CPSF2: variants seen among roughly 807,000 people sequenced by gnomAD.
CPSF2 encodes the protein cleavage and polyadenylation specific factor 2.
In CPSF2, 51 loss-of-function variants were observed where a neutral mutation model predicts 84.2. The observed-to-expected ratio is 0.61, with a 90% CI of 0.48 to 0.77. The LOEUF is 0.77. Ranked by LOEUF, CPSF2 falls within the 30% of genes least tolerant of loss-of-function variation. CPSF2 has a pLI of 0.00. For synonymous variants in CPSF2, 286 were observed against 311.9 expected, an observed-to-expected ratio of 0.92 and a Z score of 0.87; for missense variants, 641 against 929.4, an observed-to-expected ratio of 0.69 and a Z score of 4.03.
intron 8 of CPSF2, 88 bp downstream of exon 8, chr14:92,142,439 T>G: frequency 9.8e-7 from 1 of 1,025,232 alleles, no homozygotes; most frequent in East Asian, 2.4e-5. Context: ...TTGGATTTTA[T>G]TTTTCTCTTG....
At chr14:92,150,704 A>G (rs1283291114) in intron 9 of CPSF2, among the ~76,000 whole-genome samples, 1 of 152,182 alleles carries the variant, frequency 6.6e-6, no homozygotes, top group Non-Finnish European at 1.5e-5. Context: ...AATTACAGGC[A>G]TGAATCACTG....
rs998257533 is a variant in CPSF2, at chr14:92,161,179, G to T, written c.2189G>T (p.Arg730Leu). The T allele has an allele frequency of 6.2e-7, 1 of 1,613,782 alleles. No homozygotes were observed. The highest frequency in any genetic ancestry group is 8.5e-7 in the Non-Finnish European group (1 of 1,179,908). ...RLSDFKQVLL[R>L]EGIQAEFVGG... is the part of the protein sequence containing the mutation. ...TCAGACTTCAAGCAAGTTCTCTTAC[G>T]GGAGGGGATTCAAGCTGAATTTGTA... Residue 730 changes from arginine to leucine, a missense_variant, in exon 15 of 16, where the codon CGG becomes CTG. This residue lies in a region of CPSF2 where 430 missense variants were observed against 553.6 expected (regional missense o/e 0.78). Transcript: ENST00000298875.
Position 92,134,282 on chromosome 14 carries a change from T to C in CPSF2, c.342T>C (p.Phe114=), listed in dbSNP as rs1459586437. ...ACAATACAGAAGATTTTACACTCTTTACATTAGATGATGTGGATGCAGCCT... is the reference window on the plus strand; with the variant it reads ...ACAATACAGAAGATTTTACACTCTTCACATTAGATGATGTGGATGCAGCCT... ...SRHNTEDFTL[F]TLDDVDAAFD... Residue 114 remains phenylalanine (F), a synonymous_variant, in exon 5 of 16, where the codon TTT becomes TTC. Transcript: ENST00000298875. 6.2e-7 allele frequency: 1 copy of C among 1,613,712 alleles called. No individual in the cohort carries two copies. The highest frequency in any genetic ancestry group is 1.3e-5 in the African/African-American group (1 of 74,938).
intron 12 of CPSF2, among the ~76,000 whole-genome samples, chr14:92,156,978 C>T (rs2069298857): frequency 6.6e-6 from 1 of 152,098 alleles, no homozygotes; most frequent in South Asian, 2.1e-4. Flanking sequence ...TTCTGAGTAA[C>T]TGCTTGTTTC....
intron 9 of CPSF2, 120 bp downstream of exon 9, chr14:92,143,414 C>T (rs948973129): frequency 7.9e-6 from 6 of 755,990 alleles, no homozygotes; most frequent in Admixed American, 2.9e-5. Flanking sequence ...ATCAGAATTA[C>T]TCTTGAGAGC....
At chr14:92,153,451 G>A (rs1217295705) in intron 9 of CPSF2, among the ~76,000 whole-genome samples, 1 of 152,032 alleles carries the variant, frequency 6.6e-6, no homozygotes, top group African/African-American at 2.4e-5. Flanking sequence ...ATGTCAAAGG[G>A]AGTTTTTCTT....
chr14:92,132,765 T>TC (rs2068948870), intron 3 of CPSF2, among the ~76,000 whole-genome samples: 1 of 142,820 alleles, frequency 7.0e-6, no homozygotes, highest in South Asian at 2.2e-4. Context: ...AGAGTGAAAC[T>TC]CCGTCTCAAA....
intron 6 of CPSF2, among the ~76,000 whole-genome samples, chr14:92,137,443 C>T (rs2069014996): frequency 6.6e-6 from 1 of 152,092 alleles, no homozygotes; most frequent in African/African-American, 2.4e-5. Context: ...TACTGGGCTC[C>T]AGTGATCTGC....
rs1459653702 is a variant in CPSF2 at position 92,163,764 on chromosome 14, T to A, written c.*2020T>A. On this transcript the variant is annotated 3_prime_UTR_variant, in exon 16 of 16. Transcript: ENST00000298875. ...GTTTTTTGAGATGGAGTTTTGCTCT[T>A]GTTGCCCAGACTGGAGTGCAATGGC... 1 of 152,592 alleles carries A rather than the reference T, an allele frequency of 6.6e-6. No individual in the cohort carries two copies. Among genetic ancestry groups the A allele is most frequent in the Non-Finnish European group, 1.5e-5 (1 of 68,364 alleles). 9.5% of individuals were successfully genotyped at this position (152,592 alleles called of 1,614,324 possible).
chr14:92,149,922 T>G (rs1015753551), intron 9 of CPSF2, among the ~76,000 whole-genome samples: 1 of 152,198 alleles, frequency 6.6e-6, no homozygotes, highest in Non-Finnish European at 1.5e-5. Flanking sequence ...CCCAAAGTGC[T>G]GGGATCACAG....
At chr14:92,140,110 C>T (rs909734356) in intron 7 of CPSF2, among the ~76,000 whole-genome samples, 2 of 150,908 alleles carry the variant, frequency 1.3e-5, no homozygotes, top group African/African-American at 2.4e-5. Context: ...TGCGCCACTA[C>T]GCCCAGCTAA....
At chr14:92,147,939 G>C (rs879686097) in intron 9 of CPSF2, among the ~76,000 whole-genome samples, 16 of 152,182 alleles carry the variant, frequency 1.1e-4, no homozygotes, top group Non-Finnish European at 1.0e-4. Context: ...TGCCCAAGCT[G>C]GTCTTGAACT....
intron 9 of CPSF2, among the ~76,000 whole-genome samples, chr14:92,149,485 C>CT (rs1267442237): frequency 6.6e-6 from 1 of 151,954 alleles, no homozygotes; most frequent in Non-Finnish European, 1.5e-5. Context: ...GACATACTGG[C>CT]TCATGCTTGT....
intron 2 of CPSF2, among the ~76,000 whole-genome samples, chr14:92,130,013 G>A (rs2068895425): frequency 6.6e-6 from 1 of 152,106 alleles, no homozygotes; most frequent in African/African-American, 2.4e-5. Context: ...TTCCCAAAGT[G>A]CTGGGATCAC....
intron 2 of CPSF2, among the ~76,000 whole-genome samples, chr14:92,129,205 G>C (rs753178741): frequency 6.6e-6 from 1 of 152,152 alleles, no homozygotes; most frequent in East Asian, 1.9e-4. Flanking sequence ...GGAAGAGTAT[G>C]ATGAGGGAAC....
chr14:92,161,844 G>T lies in CPSF2; in HGVS notation c.*100G>T, dbSNP rs765533345. On this transcript the variant is annotated 3_prime_UTR_variant, in exon 16 of 16. Coordinates refer to ENST00000298875, the MANE Select transcript of CPSF2 (RefSeq NM_017437.3). ...TGTTTTGTTTTGTAACATACAAAAA[G>T]AATCTGCCAGAAAAACTTACATGTA... is the stretch of plus-strand genomic sequence containing the variant. 1.3e-5 allele frequency: 9 copies of T among 668,056 alleles called. No individual in the cohort carries two copies. Among genetic ancestry groups the T allele is most frequent in the Admixed American group, 1.1e-4 (3 of 27,320 alleles). The allele number at this position is 668,056 out of a possible 1,614,324, so 41.4% of individuals were successfully genotyped here.
Position 92,143,088 on chromosome 14 carries a change from C to T in CPSF2, c.934C>T (p.His312Tyr). 1 of 1,613,994 alleles carries T rather than the reference C, an allele frequency of 6.2e-7. No individual in the cohort carries two copies. The highest frequency in any genetic ancestry group is 8.5e-7 in the Non-Finnish European group (1 of 1,179,894). ...PFQFRHLSLC[H>Y]GLSDLARVPS... ...TCAGTTTCGCCATCTCTCTTTATGT[C>T]ATGGTCTTTCTGACTTGGCCCGTGT... Residue 312 changes from histidine (H) to tyrosine (Y), a missense_variant, in exon 9 of 16, where the codon CAT (histidine) becomes TAT (tyrosine). By Grantham distance (83) the His-to-Tyr change is moderately conservative. Around this residue, in one of 2 missense-constraint regions of CPSF2, gnomAD observed 211 missense variants for 375.7 expected, o/e 0.56. Coordinates refer to ENST00000298875, the MANE Select transcript of CPSF2 (RefSeq NM_017437.3).
Position 92,143,084 on chromosome 14 carries a change from A to T in CPSF2, c.930A>T (p.Leu310Phe). ...CGTTTCAGTTTCGCCATCTCTCTTTATGTCATGGTCTTTCTGACTTGGCCC... is the reference window on the plus strand; with the variant it reads ...CGTTTCAGTTTCGCCATCTCTCTTTTTGTCATGGTCTTTCTGACTTGGCCC... The part of the protein sequence containing the change: ...NNPFQFRHLS[L>F]CHGLSDLARV... Residue 310 changes from leucine to phenylalanine, a missense_variant, in exon 9 of 16, where the codon TTA becomes TTT. Transcript: ENST00000298875. 1 of 1,614,048 alleles carries T rather than the reference A, an allele frequency of 6.2e-7. No individual in the cohort carries two copies. Among genetic ancestry groups the T allele is most frequent in the Non-Finnish European group, 8.5e-7 (1 of 1,179,944 alleles).
Position 92,172,064 on chromosome 14 carries a change from T to C in CPSF2, c.*10320T>C, listed in dbSNP as rs1224474361. 6.6e-6 allele frequency: 1 copy of C among 152,236 alleles called. No homozygotes were observed. The highest frequency in any genetic ancestry group is 2.4e-5 in the African/African-American group (1 of 41,454). 9.4% of individuals were successfully genotyped at this position (152,236 alleles called of 1,614,324 possible). On this transcript the variant is annotated 3_prime_UTR_variant, in exon 16 of 16. Transcript: ENST00000298875. Reference sequence around the variant, plus strand: ...GTGGGAATTTTAAAGAAGGCACTTTTGGCTCAGATGGCAGTGCCAAAGCAG... The same window carrying C: ...GTGGGAATTTTAAAGAAGGCACTTTCGGCTCAGATGGCAGTGCCAAAGCAG...
Sources: gnomAD v4.1 joint callset for allele counts (sites outside exome capture counted in the v4.1 genomes callset) on GRCh38, gnomAD v4.1.1 for gene constraint, gnomAD v4.1.1 regional missense constraint, MANE v1.5 for transcripts, NCBI Gene and HGNC (gene_info 2026-07-23, HGNC 2026-07-21) for gene names.